Variants in RIMS1 observed in about 807,000 individuals in gnomAD.
RIMS1 encodes regulating synaptic membrane exocytosis 1, also known as regulating synaptic membrane exocytosis protein 1.
RIMS1 carries 83 observed loss-of-function variants against 214.1 expected under a neutral mutation model. That is an observed-to-expected ratio of 0.39 (90% CI 0.32 to 0.47). The LOEUF (loss-of-function observed/expected upper bound fraction) is 0.47, where lower values mean the gene tolerates loss of function less well. Among genes scored for constraint, RIMS1 ranks in the 20% least tolerant of loss-of-function variants. The probability of loss-of-function intolerance (pLI) is 0.99; values close to 1 mark genes in which losing one functional copy is unlikely to be tolerated. For synonymous variants in RIMS1, 793 were observed against 786.8 expected, an observed-to-expected ratio of 1.01 and a Z score of -0.13; for missense variants, 2,050 against 2,161.8, an observed-to-expected ratio of 0.95 and a Z score of 1.03.
chr6:72,128,900 T>C (rs1216752426), intron 4 of RIMS1, among the ~76,000 whole-genome samples: 16 of 152,226 alleles, frequency 1.1e-4, no homozygotes, highest in Non-Finnish European at 2.4e-4. Context: ...GTTAATTTCC[T>C]TTGTGAGAAT....
intron 1 of RIMS1, among the ~76,000 whole-genome samples, chr6:71,908,538 G>T (rs1330059116): frequency 2.0e-5 from 3 of 152,168 alleles, no homozygotes; most frequent in Admixed American, 2.0e-4. Context: ...CTGTCAGGGT[G>T]CAGTCAACTT....
chr6:71,897,916 A>G (rs1463480692), intron 1 of RIMS1, among the ~76,000 whole-genome samples: 2 of 152,182 alleles, frequency 1.3e-5, no homozygotes, highest in African/African-American at 4.8e-5. Context: ...ATAGAGTGGG[A>G]TGATTATTCT....
intron 1 of RIMS1, among the ~76,000 whole-genome samples, chr6:71,934,430 G>C (rs375754114): frequency 2.0e-5 from 3 of 152,092 alleles, no homozygotes; most frequent in Admixed American, 6.5e-5. Flanking sequence ...ACCCTCCCTA[G>C]CTGTTTACCC....
intron 6 of RIMS1, among the ~76,000 whole-genome samples, chr6:72,221,422 A>G (rs934270331): frequency 6.6e-6 from 1 of 151,916 alleles, no homozygotes; most frequent in Non-Finnish European, 1.5e-5. Context: ...GGCCAATAAG[A>G]TGTTTTTCAG....
intron 6 of RIMS1, among the ~76,000 whole-genome samples, chr6:72,185,942 C>T (rs2049034084): frequency 6.6e-6 from 1 of 152,132 alleles, no homozygotes; most frequent in African/African-American, 2.4e-5. Flanking sequence ...TTTTGGTGAT[C>T]CACTTTTACT....
At chr6:72,050,459 C>A (rs150386264) in intron 2 of RIMS1, among the ~76,000 whole-genome samples, 4 of 152,304 alleles carry the variant, frequency 2.6e-5, no homozygotes, top group African/African-American at 9.6e-5. Context: ...TTCAGACTCA[C>A]ATTTAATCCC....
Position 72,259,181 on chromosome 6 carries a change from G to A in RIMS1, c.3053+70G>A, listed in dbSNP as rs1316596759. On this transcript the variant is annotated intron_variant, in intron 18 of 33. Transcript: ENST00000521978. ...TGTTTTAATATATACAGATATTGTGGCATAGCACATTAGAGAGTAAAAGTA... is the reference window on the plus strand; with the variant it reads ...TGTTTTAATATATACAGATATTGTGACATAGCACATTAGAGAGTAAAAGTA... 5 of 1,331,670 alleles carry A rather than the reference G, an allele frequency of 3.8e-6. No individual in the cohort carries two copies. The East Asian group carries it at 1.2e-4, about 32-fold the overall frequency. 82.5% of individuals were successfully genotyped at this position (1,331,670 alleles called of 1,614,324 possible).
At position 71,886,560 on chromosome 6, in the gene RIMS1, CAGCAG is replaced by C. The variant is rs1767835497; in HGVS notation, c.-460_-456del. On this transcript the variant is annotated 5_prime_UTR_variant, in exon 1 of 34. Coordinates refer to ENST00000521978, the MANE Select transcript of RIMS1 (RefSeq NM_014989.7). ...CCCTCCCGCAGCCCCAAATTGGAGGCAGCAGAGCCTGGGAGCAGCCTCCACGGCGG... is the reference window on the plus strand; with the variant it reads ...CCCTCCCGCAGCCCCAAATTGGAGGCAGCCTGGGAGCAGCCTCCACGGCGG... 6.5e-6 allele frequency: 1 copy of C among 153,114 alleles called. No homozygotes were observed. Among genetic ancestry groups the C allele is most frequent in the South Asian group, 1.8e-4 (1 of 5,686 alleles). The allele number at this position is 153,114 out of a possible 1,614,324, so 9.5% of individuals were successfully genotyped here. A position where few individuals can be genotyped will look rare whatever the true frequency, so the allele number is the denominator to read the frequency against.
chr6:71,937,407 C>T (rs1377172363), intron 1 of RIMS1, among the ~76,000 whole-genome samples: 2 of 152,098 alleles, frequency 1.3e-5, no homozygotes, highest in African/African-American at 2.4e-5. Context: ...ACCACAGGTG[C>T]ACGCCCAGCT....
chr6:71,986,203 T>G (rs954067881), intron 2 of RIMS1, among the ~76,000 whole-genome samples: 1 of 151,832 alleles, frequency 6.6e-6, no homozygotes, highest in African/African-American at 2.4e-5. Flanking sequence ...TTTTTTTTTT[T>G]TTTTTAATGT....
intron 2 of RIMS1, among the ~76,000 whole-genome samples, chr6:72,045,991 C>A (rs1437760699): frequency 6.6e-6 from 1 of 151,938 alleles, no homozygotes; most frequent in South Asian, 2.1e-4. Flanking sequence ...TTTTCCCTTA[C>A]AGTGTGTGTG....
At chr6:72,284,198 A>G in intron 24 of RIMS1, 80 bp downstream of exon 24, 1 of 1,201,164 alleles carries the variant, frequency 8.3e-7, no homozygotes, top group Non-Finnish European at 1.2e-6. Flanking sequence ...ATTTTACATG[A>G]TCAGTTCTTA....
intron 23 of RIMS1, among the ~76,000 whole-genome samples, chr6:72,283,067 G>A (rs984299512): frequency 2.6e-4 from 39 of 151,666 alleles, no homozygotes; most frequent in African/African-American, 7.5e-4. Context: ...TACTTAATTA[G>A]GATGTCACAC....
At chr6:72,299,794 G>A (rs1482007006) in intron 26 of RIMS1, among the ~76,000 whole-genome samples, 1 of 151,754 alleles carries the variant, frequency 6.6e-6, no homozygotes. Flanking sequence ...AACAAATTAT[G>A]TACTCTTTTT....
intron 3 of RIMS1, among the ~76,000 whole-genome samples, chr6:72,098,279 A>G (rs932287623): frequency 6.7e-6 from 1 of 149,656 alleles, no homozygotes; most frequent in Non-Finnish European, 1.5e-5. Flanking sequence ...ACTGAGTATG[A>G]TCAATATATC....
intron 1 of RIMS1, among the ~76,000 whole-genome samples, chr6:71,921,884 T>C (rs1238599151): frequency 6.6e-6 from 1 of 152,232 alleles, no homozygotes; most frequent in East Asian, 1.9e-4. Flanking sequence ...CATTTCTCTC[T>C]GGTTTCTTTA....
intron 6 of RIMS1, chr6:72,213,267 G>A (rs1180716474): frequency 2.0e-6 from 3 of 1,487,548 alleles, no homozygotes; most frequent in Non-Finnish European, 9.0e-7. Context: ...TGTCCCAGTT[G>A]TACCTAAATC....
chr6:72,108,316 G>C (rs781386855), intron 4 of RIMS1, among the ~76,000 whole-genome samples: 3 of 152,038 alleles, frequency 2.0e-5, no homozygotes, highest in Non-Finnish European at 4.4e-5. Flanking sequence ...TTTGGAACTT[G>C]TGGGCTCAAG....
chr6:71,961,335 TCTC>T (rs1218876216), intron 1 of RIMS1, among the ~76,000 whole-genome samples: 2 of 151,988 alleles, frequency 1.3e-5, no homozygotes, highest in Admixed American at 6.6e-5. Flanking sequence ...ACTAAACTCT[TCTC>T]CTCTTCTCTC....
Sources: gnomAD v4.1 joint callset for allele counts (sites outside exome capture counted in the v4.1 genomes callset) on GRCh38, gnomAD v4.1.1 for gene constraint, MANE v1.5 for transcripts, NCBI Gene and HGNC (gene_info 2026-07-23, HGNC 2026-07-21) for gene names.